Variants in GAS7 observed in about 807,000 individuals in gnomAD.
GAS7 encodes growth arrest specific 7, also known as growth arrest-specific protein 7.
Under a neutral mutation model 71.1 loss-of-function variants are expected in GAS7, and 28 were observed. That is an observed-to-expected ratio of 0.39 (90% CI 0.29 to 0.54). GAS7 has a LOEUF of 0.54. GAS7 is among the 20% of genes least tolerant of loss of function. GAS7 has a pLI of 0.62. For synonymous variants in GAS7, 258 were observed against 245.8 expected, an observed-to-expected ratio of 1.05 and a Z score of -0.46; for missense variants, 436 against 627.8, an observed-to-expected ratio of 0.69 and a Z score of 3.27.
At chr17:9,943,356 C>T (rs951607953) in intron 6 of GAS7, 120 bp from the exon 7 acceptor site, 53 of 676,022 alleles carry the variant, frequency 7.8e-5, no homozygotes, top group Non-Finnish European at 6.7e-5. Flanking sequence ...GCACAAGACG[C>T]GGGAGCAGCT....
At chr17:10,059,762 C>G (rs1487521243) in intron 1 of GAS7, 4 of 984,858 alleles carry the variant, frequency 4.1e-6, no homozygotes, top group Non-Finnish European at 4.8e-6. Context: ...CCCACATCCG[C>G]TGCTTCCCCG....
chr17:10,150,747 G>A (rs183084481), intron 1 of GAS7, among the ~76,000 whole-genome samples: 102 of 151,602 alleles, frequency 6.7e-4, no homozygotes, highest in African/African-American at 2.4e-3. Flanking sequence ...CATCACTACC[G>A]CCCAGCTAAT....
Position 10,019,890 on chromosome 17 carries a change from C to T in GAS7, c.191G>A (p.Gly64Glu). 6.2e-7 allele frequency: 1 copy of T among 1,613,690 alleles called. No individual in the cohort carries two copies. The highest frequency in any genetic ancestry group is 1.7e-5 in the Admixed American group (1 of 59,938). The change falls in exon 2 of 14, where the codon GGA becomes GAA. Residue 64 changes from glycine (G) to glutamate (E), a missense_variant. By Grantham distance (98) the Gly-to-Glu change is moderately conservative (BLOSUM62 -2). Transcript: ENST00000432992. ...TTCTCCCGGCGGAGGGGGGACCATTCCAGGCTTCTGTTGGAGAAGAAAGAA... is the reference window on the plus strand; with the variant it reads ...TTCTCCCGGCGGAGGGGGGACCATTTCAGGCTTCTGTTGGAGAAGAAAGAA... ...ASYVQLLEKP[G>E]MVPPPPGEES...
chr17:9,926,707 C>A lies in GAS7; in HGVS notation c.948G>T (p.Lys316Asn), dbSNP rs1272562706. The A allele has an allele frequency of 6.2e-7, 1 of 1,613,872 alleles. No homozygotes were observed. Among genetic ancestry groups the A allele is most frequent in the Admixed American group, 1.7e-5 (1 of 59,984 alleles). ...NFRENFKKDM[K>N]KCDHHIADLR... is the part of the protein sequence containing the mutation. Reference sequence around the variant, plus strand: ...GGTCGGCAATGTGGTGGTCGCACTTCTTCATGTCTTTCTTGAAGTTCTCAC... The same window carrying A: ...GGTCGGCAATGTGGTGGTCGCACTTATTCATGTCTTTCTTGAAGTTCTCAC... Residue 316 changes from lysine to asparagine, a missense_variant, in exon 10 of 14, where the codon AAG becomes AAT. Lys to Asn is a moderately conservative substitution (Grantham distance 94, BLOSUM62 0). Coordinates refer to ENST00000432992, the MANE Select transcript of GAS7 (RefSeq NM_201433.2). The surrounding 1 kb of genome is among the most constrained non-coding windows in gnomAD (Gnocchi z 5.0).
At chr17:10,033,236 G>A (rs540182665) in intron 1 of GAS7, among the ~76,000 whole-genome samples, 65 of 152,268 alleles carry the variant, frequency 4.3e-4, no homozygotes, top group African/African-American at 1.3e-3. Flanking sequence ...GTTCCTGGAA[G>A]GGTGAGGGCC....
At chr17:9,957,237 T>C (rs2069278873) in intron 5 of GAS7, among the ~76,000 whole-genome samples, 1 of 152,214 alleles carries the variant, frequency 6.6e-6, no homozygotes, top group African/African-American at 2.4e-5. Flanking sequence ...TGGGGTGCCA[T>C]CCAGGAATCT....
At chr17:9,986,504 C>T (rs946256136) in intron 2 of GAS7, among the ~76,000 whole-genome samples, 1 of 152,170 alleles carries the variant, frequency 6.6e-6, no homozygotes, top group African/African-American at 2.4e-5. Context: ...CGTTCCTCTC[C>T]CCATCCCCCA....
Position 9,938,427 on chromosome 17 carries a change from G to A in GAS7, c.806+1699C>T, listed in dbSNP as rs2152088019. Reference sequence around the variant, plus strand: ...GGAGGTGGAGGTTGCAGTGAGCTGAGATCAGGCCACTCCAGTCTGGGCGAC... The same window carrying A: ...GGAGGTGGAGGTTGCAGTGAGCTGAAATCAGGCCACTCCAGTCTGGGCGAC... On this transcript the variant is annotated intron_variant, in intron 8 of 13. Coordinates refer to ENST00000432992, the MANE Select transcript of GAS7 (RefSeq NM_201433.2). Among the ~76,000 whole-genome samples the A allele has an allele frequency of 1.5e-5, 2 of 133,658 alleles. 1 individual carries two copies. The allele number at this position is 133,658 out of a possible 152,430, so 87.7% of individuals were successfully genotyped here.
At chr17:9,961,766 G>A (rs919938014) in intron 4 of GAS7, among the ~76,000 whole-genome samples, 7 of 152,148 alleles carry the variant, frequency 4.6e-5, no homozygotes, top group African/African-American at 1.7e-4. Context: ...ATGAAATTGG[G>A]GCTTGCAGAA....
intron 1 of GAS7, 121 bp from the exon 2 acceptor site, chr17:10,020,018 C>T: frequency 3.1e-6 from 3 of 953,238 alleles, no homozygotes; most frequent in Non-Finnish European, 4.8e-6. Context: ...GTCTGCGGCC[C>T]ATAAACCCCT....
chr17:9,996,170 A>C (rs1472166522), intron 2 of GAS7, among the ~76,000 whole-genome samples: 1 of 152,214 alleles, frequency 6.6e-6, no homozygotes, highest in Non-Finnish European at 1.5e-5. Context: ...ACTTGGAACC[A>C]AGTCAAATGT....
chr17:10,180,124 T>G (rs895968418), intron 1 of GAS7, among the ~76,000 whole-genome samples: 2 of 152,096 alleles, frequency 1.3e-5, no homozygotes, highest in Non-Finnish European at 2.9e-5. Context: ...GTGGATCACC[T>G]GAGGTCAGGA....
intron 1 of GAS7, among the ~76,000 whole-genome samples, chr17:10,124,581 G>A (rs915587484): frequency 6.6e-6 from 1 of 152,198 alleles, no homozygotes; most frequent in African/African-American, 2.4e-5. Flanking sequence ...CCAGCGAATG[G>A]GGCACTGGAT....
chr17:10,109,710 G>A (rs1048342611), intron 1 of GAS7, among the ~76,000 whole-genome samples: 1 of 152,216 alleles, frequency 6.6e-6, no homozygotes, highest in Non-Finnish European at 1.5e-5. Context: ...CCTGAGATCA[G>A]GAGTTCAAGA....
intron 5 of GAS7, among the ~76,000 whole-genome samples, chr17:9,947,739 C>T (rs550703571): frequency 2.0e-4 from 29 of 148,312 alleles, no homozygotes; most frequent in African/African-American, 6.8e-4. Flanking sequence ...TGAGATCATG[C>T]CATTGTACGA....
intron 1 of GAS7, among the ~76,000 whole-genome samples, chr17:10,129,218 G>A (rs911379010): frequency 2.0e-5 from 3 of 152,134 alleles, no homozygotes; most frequent in Non-Finnish European, 2.9e-5. Context: ...TGGATCAAAA[G>A]ACTAAATGTA....
At chr17:10,064,697 A>G (rs8080377) in intron 1 of GAS7, among the ~76,000 whole-genome samples, 63,086 of 152,090 alleles carry the variant, frequency 0.41, 13,288 homozygotes, top group Non-Finnish European at 0.45. Context: ...CAGAAGGAAG[A>G]GGGCTGATGA....
chr17:9,932,146 G>A (rs1203988390), intron 9 of GAS7, among the ~76,000 whole-genome samples: 1 of 151,776 alleles, frequency 6.6e-6, no homozygotes, highest in Non-Finnish European at 1.5e-5. Flanking sequence ...AGGGAAGAGC[G>A]AGGAGGCCAG....
At chr17:9,940,432 C>T (rs905107620) in intron 7 of GAS7, among the ~76,000 whole-genome samples, 1 of 152,222 alleles carries the variant, frequency 6.6e-6, no homozygotes, top group African/African-American at 2.4e-5. Flanking sequence ...CAAAGTAGGA[C>T]ATTTTCTCCG....
Sources: allele counts gnomAD v4.1 joint callset (sites outside exome capture counted in the v4.1 genomes callset), GRCh38; gene constraint gnomAD v4.1.1; non-coding constraint Gnocchi (gnomAD v3.1); transcripts MANE v1.5; gene names NCBI Gene and HGNC (gene_info 2026-07-23, HGNC 2026-07-21).